The following RFFL variants were observed in gnomAD, a reference collection of about 807,000 sequenced individuals.
RFFL encodes the protein ring finger and FYVE like domain containing E3 ubiquitin protein ligase, also known as E3 ubiquitin-protein ligase rififylin.
In RFFL, 16 loss-of-function variants were observed where a neutral mutation model predicts 40.4. The ratio of observed to expected loss-of-function variants is 0.40; its 90% CI spans 0.27 to 0.60. The LOEUF is 0.60. Among genes scored for constraint, RFFL ranks in the 20% least tolerant of loss-of-function variants. The pLI, the probability that RFFL is intolerant of heterozygous loss-of-function variation, is 0.47. For synonymous variants in RFFL, 154 were observed against 167.9 expected, an observed-to-expected ratio of 0.92 and a Z score of 0.64; for missense variants, 367 against 451.7, an observed-to-expected ratio of 0.81 and a Z score of 1.70.
At chr17:35,036,274 T>G (rs1350471334) in intron 1 of RFFL, 1 of 152,246 alleles carries the variant, frequency 6.6e-6, no homozygotes, top group African/African-American at 2.4e-5. Context: ...GAACTAATTG[T>G]GAGGTGTAGA....
At position 35,087,341 on chromosome 17, in the gene RFFL, ACT is replaced by A. The variant is rs752277768; in HGVS notation, c.-9+1762_-9+1763del. On this transcript the variant is annotated intron_variant, in intron 1 of 6. Coordinates refer to the RFFL transcript ENST00000315249. ...ACGCCAGTCTGAGTGACAGAGTGAG[ACT>A]CTGTCTCCAAAAAAAAAAAAGGTGT... Among the ~76,000 whole-genome samples the A allele has an allele frequency of 2.1e-3, 322 of 150,540 alleles. 1 individual carries two copies. Among genetic ancestry groups the A allele is most frequent in the Admixed American group, 5.0e-3 (75 of 15,074 alleles).
intron 1 of RFFL, among the ~76,000 whole-genome samples, chr17:35,029,961 A>G (rs9896836): frequency 0.019 from 2,882 of 149,706 alleles, 82 homozygotes; most frequent in African/African-American, 0.067. Context: ...TTGTCCTTGC[A>G]ATAGTTTACT....
chr17:35,056,107 A>G (rs57636134), intron 1 of RFFL, among the ~76,000 whole-genome samples: 6,951 of 151,554 alleles, frequency 0.046, 527 homozygotes, highest in African/African-American at 0.16. Context: ...CAACAAATAA[A>G]CCCCGCCCCC....
chr17:35,057,406 C>G (rs990594509), intron 1 of RFFL, among the ~76,000 whole-genome samples: 1 of 151,854 alleles, frequency 6.6e-6, no homozygotes, highest in African/African-American at 2.4e-5. Context: ...CCAGGGCCTA[C>G]AAACTTGGGT....
intron 1 of RFFL, among the ~76,000 whole-genome samples, chr17:35,035,278 A>C (rs2091113060): frequency 6.6e-6 from 1 of 151,968 alleles, no homozygotes; most frequent in African/African-American, 2.4e-5. Context: ...GCATGGTGGC[A>C]CATGCCTGTA....
intron 1 of RFFL, among the ~76,000 whole-genome samples, chr17:35,051,810 C>A (rs758629488): frequency 7.9e-5 from 12 of 152,208 alleles, no homozygotes; most frequent in Non-Finnish European, 1.6e-4. Context: ...TTCGTGAACA[C>A]TGCCTCAAAT....
chr17:35,021,887 C>A, intron 2 of RFFL, 106 bp from the exon 3 acceptor site: 1 of 1,104,262 alleles, frequency 9.1e-7, no homozygotes. Flanking sequence ...CTCCTCCAGT[C>A]ACTCTTACTT....
At chr17:35,076,840 C>A in intron 1 of RFFL, 1 of 235,812 alleles carries the variant, frequency 4.2e-6, no homozygotes, top group Non-Finnish European at 8.7e-6. Context: ...TGCTGCCAAG[C>A]GCAAGAGGAA....
chr17:35,044,367 G>GC (rs1282017745), intron 1 of RFFL, among the ~76,000 whole-genome samples: 2 of 152,152 alleles, frequency 1.3e-5, no homozygotes, highest in Non-Finnish European at 2.9e-5. Context: ...ATGAGCCAGC[G>GC]CACCTGGTCT....
chr17:35,021,282 C>T (rs1323754153), intron 3 of RFFL, 89 bp downstream of exon 3: 2 of 1,312,836 alleles, frequency 1.5e-6, no homozygotes, highest in Admixed American at 2.6e-5. Flanking sequence ...TAGCCTTATA[C>T]CCCATTCTCA....
chr17:35,081,054 C>T (rs1041734036), intron 1 of RFFL, among the ~76,000 whole-genome samples: 1 of 152,132 alleles, frequency 6.6e-6, no homozygotes, highest in African/African-American at 2.4e-5. Context: ...AGTTGAAAAA[C>T]GCTGCTGAGA....
chr17:35,023,705 G>C (rs1180979847), intron 2 of RFFL, among the ~76,000 whole-genome samples: 3 of 152,192 alleles, frequency 2.0e-5, no homozygotes, highest in South Asian at 2.1e-4. Flanking sequence ...ACAAGACCTA[G>C]CTTGACACAA....
intron 2 of RFFL, among the ~76,000 whole-genome samples, chr17:35,025,554 T>C (rs928367914): frequency 6.6e-6 from 1 of 152,272 alleles, no homozygotes; most frequent in African/African-American, 2.4e-5. Flanking sequence ...CCTTTGCACA[T>C]AGCAGATGGT....
chr17:35,064,639 T>A (rs184518475), upstream of RFFL, among the ~76,000 whole-genome samples: 1 of 152,310 alleles, frequency 6.6e-6, no homozygotes, highest in Non-Finnish European at 1.5e-5. Flanking sequence ...TCCTTCTGTT[T>A]CCTGCTTAAA....
chr17:35,052,008 T>C (rs981606041), intron 1 of RFFL, among the ~76,000 whole-genome samples: 1 of 152,228 alleles, frequency 6.6e-6, no homozygotes, highest in Admixed American at 6.5e-5. Context: ...GGACAAGTCA[T>C]TTAGCCTCTT....
intron 1 of RFFL, among the ~76,000 whole-genome samples, chr17:35,086,385 C>G (rs2091429405): frequency 6.6e-6 from 1 of 151,244 alleles, no homozygotes; most frequent in Admixed American, 6.6e-5. Flanking sequence ...ACTTGGGAGG[C>G]GAGGATTGCG....
chr17:35,027,057 T>C (rs2091045840), intron 1 of RFFL, among the ~76,000 whole-genome samples: 1 of 152,174 alleles, frequency 6.6e-6, no homozygotes, highest in Non-Finnish European at 1.5e-5. Flanking sequence ...CTCAAAGAAA[T>C]CAAATATATA....
At chr17:35,014,809 T>A in intron 5 of RFFL, 46 bp from the exon 6 acceptor site, 1 of 1,582,698 alleles carries the variant, frequency 6.3e-7, no homozygotes, top group Non-Finnish European at 8.7e-7. Flanking sequence ...GGCATGATGG[T>A]ACAAATACAG....
At chr17:35,085,444 T>C (rs2091424603) in intron 1 of RFFL, among the ~76,000 whole-genome samples, 1 of 152,244 alleles carries the variant, frequency 6.6e-6, no homozygotes. Flanking sequence ...TGTTGTTGTT[T>C]TTGAGATGGA....
Sources: gnomAD v4.1 joint callset for allele counts (sites outside exome capture counted in the v4.1 genomes callset) on GRCh38, gnomAD v4.1.1 for gene constraint, MANE v1.5 for transcripts, NCBI Gene and HGNC (gene_info 2026-07-23, HGNC 2026-07-21) for gene names.